Variants in RPA3 observed in about 807,000 individuals in gnomAD.
RPA3 encodes the protein replication protein A3.
Under a neutral mutation model 13.7 loss-of-function variants are expected in RPA3, and 24 were observed. That is an observed-to-expected ratio of 1.75 (90% CI 1.27 to 2.46). RPA3 has a LOEUF of 2.46. Among genes scored for constraint, RPA3 ranks in the 30% most tolerant of loss-of-function variants. The pLI is 0.00. For synonymous variants in RPA3, 59 were observed against 51.2 expected, an observed-to-expected ratio of 1.15 and a Z score of -0.65; for missense variants, 183 against 151.0, an observed-to-expected ratio of 1.21 and a Z score of -1.11.
chr7:7,656,628 C>T (rs1168579936), intron 4 of RPA3, among the ~76,000 whole-genome samples: 1 of 152,096 alleles, frequency 6.6e-6, no homozygotes, highest in Admixed American at 6.6e-5. Context: ...CATCCATGTC[C>T]CTGCAAAGGA....
At position 7,658,727 on chromosome 7, in the gene RPA3, G is replaced by A. The variant is rs1321363585; in HGVS notation, c.-757-17552C>T. ...ATTCAGTTTGCCAGTATCTTATTGA[G>A]TATTTTTGCATCGATATTCATCAGG... On this transcript the variant is annotated intron_variant, in intron 4 of 7. Transcript: ENST00000223129. Among the ~76,000 whole-genome samples, 4 of 152,182 alleles carry A rather than the reference G, an allele frequency of 2.6e-5. No homozygotes were observed. In the East Asian group the frequency reaches 7.7e-4, roughly 29 times the overall value.
At chr7:7,659,091 G>C (rs567532222) in intron 4 of RPA3, among the ~76,000 whole-genome samples, 1 of 152,112 alleles carries the variant, frequency 6.6e-6, no homozygotes, top group Admixed American at 6.6e-5. Flanking sequence ...GTTTATTTGC[G>C]TAGCTTGTTT....
chr7:7,636,727 T>C lies in RPA3; in HGVS notation c.*273A>G. On this transcript the variant is annotated 3_prime_UTR_variant, in exon 8 of 8. Coordinates refer to ENST00000223129, the MANE Select transcript of RPA3 (RefSeq NM_002947.5). ...TGAAATGACCGATAGTACGTACCAT[T>C]TTAGTTTTTATTAATAAAATAGAAA... 5.9e-6 allele frequency: 2 copies of C among 338,434 alleles called. No individual in the cohort carries two copies. The highest frequency in any genetic ancestry group is 1.1e-5 in the Non-Finnish European group (2 of 187,564). 21.0% of individuals were successfully genotyped at this position (338,434 alleles called of 1,614,324 possible). A position where few individuals can be genotyped will look rare whatever the true frequency, so the allele number is the denominator to read the frequency against.
chr7:7,653,521 A>G (rs976185114), intron 4 of RPA3, among the ~76,000 whole-genome samples: 2 of 152,228 alleles, frequency 1.3e-5, no homozygotes, highest in East Asian at 3.8e-4. Flanking sequence ...AAACCTCTTG[A>G]AATTAAGATG....
chr7:7,711,841 T>C (rs1403684364), intron 2 of RPA3, among the ~76,000 whole-genome samples: 1 of 152,164 alleles, frequency 6.6e-6, no homozygotes, highest in East Asian at 1.9e-4. Context: ...ACTTTCATAT[T>C]TCAGTCTGAT....
chr7:7,647,955 G>C (rs1409612671), intron 4 of RPA3, among the ~76,000 whole-genome samples: 1 of 152,196 alleles, frequency 6.6e-6, no homozygotes, highest in Non-Finnish European at 1.5e-5. Context: ...AGACGTGCCA[G>C]CTGTGTTTTG....
chr7:7,648,541 A>G (rs933360850), intron 4 of RPA3, among the ~76,000 whole-genome samples: 1 of 152,172 alleles, frequency 6.6e-6, no homozygotes, highest in Non-Finnish European at 1.5e-5. Context: ...AATACCACAG[A>G]CTGGGTAATT....
chr7:7,661,327 A>T (rs960831309), intron 4 of RPA3, among the ~76,000 whole-genome samples: 1 of 152,062 alleles, frequency 6.6e-6, no homozygotes, highest in Non-Finnish European at 1.5e-5. Flanking sequence ...TCAATTTGTC[A>T]AACTCACCAT....
intron 2 of RPA3, among the ~76,000 whole-genome samples, chr7:7,704,198 A>G (rs1315237306): frequency 2.0e-5 from 3 of 152,178 alleles, no homozygotes; most frequent in Non-Finnish European, 2.9e-5. Flanking sequence ...GAAATTAAGG[A>G]TATTTGTAAA....
intron 2 of RPA3, among the ~76,000 whole-genome samples, chr7:7,712,606 C>T (rs979713059): frequency 2.6e-5 from 4 of 152,048 alleles, no homozygotes; most frequent in Admixed American, 6.5e-5. Context: ...TTTCTAAGTA[C>T]GTAATTATAA....
At chr7:7,655,601 G>T (rs1024180637) in intron 4 of RPA3, among the ~76,000 whole-genome samples, 1 of 152,142 alleles carries the variant, frequency 6.6e-6, no homozygotes, top group South Asian at 2.1e-4. Flanking sequence ...TAAATTCTCA[G>T]TTGGCTGAAA....
intron 4 of RPA3, among the ~76,000 whole-genome samples, chr7:7,652,707 G>A (rs1429453319): frequency 6.6e-6 from 1 of 152,170 alleles, no homozygotes; most frequent in South Asian, 2.1e-4. Flanking sequence ...GCCAATTTTG[G>A]GCCCTCAAAA....
At chr7:7,666,980 A>G (rs1372907631) in intron 4 of RPA3, among the ~76,000 whole-genome samples, 2 of 151,942 alleles carry the variant, frequency 1.3e-5, no homozygotes, top group African/African-American at 2.4e-5. Flanking sequence ...GCTAATTTTT[A>G]TATTATTAGT....
In RPA3 at chr7:7,640,369, A is replaced by T. The variant is rs760964038; in HGVS notation, c.50T>A (p.Leu17Gln). 6.2e-7 allele frequency: 1 copy of T among 1,614,030 alleles called. No homozygotes were observed. Among genetic ancestry groups the T allele is most frequent in the Middle Eastern group, 1.6e-4 (1 of 6,062 alleles). The change falls in exon 5 of 8, where the codon CTA (leucine) becomes CAA (glutamine). Residue 17 changes from leucine (L) to glutamine (Q), a missense_variant. By Grantham distance (113) the Leu-to-Gln change is moderately radical. Transcript: ENST00000223129. ...LPRSRINAGM[L>Q]AQFIDKPVCF... is the part of the protein sequence containing the mutation. Reference sequence around the variant, plus strand: ...GACAGGCTTGTCGATGAATTGAGCTAGCATGCCGGCGTTGATGCGCGACCT... The same window carrying T: ...GACAGGCTTGTCGATGAATTGAGCTTGCATGCCGGCGTTGATGCGCGACCT...
At chr7:7,648,890 C>T (rs1195655323) in intron 4 of RPA3, among the ~76,000 whole-genome samples, 1 of 147,174 alleles carries the variant, frequency 6.8e-6, no homozygotes, top group Non-Finnish European at 1.5e-5. Flanking sequence ...CGGGCGCGGT[C>T]GCTCACACTT....
chr7:7,639,250 C>G, intron 5 of RPA3, 106 bp from the exon 6 acceptor site: 1 of 712,990 alleles, frequency 1.4e-6, no homozygotes, highest in Middle Eastern at 3.2e-4. Context: ...GTTTCTTGAA[C>G]AGTTTATTCA....
chr7:7,669,203 T>C (rs185863841), intron 4 of RPA3, among the ~76,000 whole-genome samples: 223 of 152,266 alleles, frequency 1.5e-3, no homozygotes, highest in African/African-American at 5.1e-3. Flanking sequence ...AGGTGTCTAC[T>C]TGGGATCTTG....
intron 4 of RPA3, among the ~76,000 whole-genome samples, chr7:7,642,814 A>G (rs1563076031): frequency 6.6e-6 from 1 of 152,308 alleles, no homozygotes; most frequent in East Asian, 1.9e-4. Context: ...TACAGCCATA[A>G]GTAAACACTA....
intron 1 of RPA3, among the ~76,000 whole-genome samples, chr7:7,716,962 C>T (rs144281955): frequency 6.6e-6 from 1 of 152,276 alleles, no homozygotes; most frequent in East Asian, 1.9e-4. Context: ...ATAAAACCAA[C>T]CTCTTCTTGC....
Sources: gnomAD v4.1 joint callset for allele counts (sites outside exome capture counted in the v4.1 genomes callset) on GRCh38, gnomAD v4.1.1 for gene constraint, MANE v1.5 for transcripts, NCBI Gene and HGNC (gene_info 2026-07-23, HGNC 2026-07-21) for gene names.